EML6: variants seen among roughly 807,000 people sequenced by gnomAD.
EML6 encodes echinoderm microtubule-associated protein-like 6.
In EML6, 154 loss-of-function variants were observed where a neutral mutation model predicts 240.1. The ratio of observed to expected loss-of-function variants is 0.64; its 90% confidence interval spans 0.56 to 0.73. The LOEUF (loss-of-function observed/expected upper bound fraction) is 0.73, where lower values mean the gene tolerates loss of function less well. Ranked by LOEUF, EML6 falls within the 30% of genes least tolerant of loss-of-function variation. The pLI, the probability that EML6 is intolerant of heterozygous loss-of-function variation, is 0.00. For synonymous variants in EML6, 1,148 were observed against 899.0 expected (o/e 1.28, Z -4.95); for missense variants, 2,964 against 2,474.6 (o/e 1.20, Z -4.20).
rs768269743 is a variant in EML6, at chr2:54,952,670, CGTG to C, written c.4295_4297del (p.Val1432del). 12 of 1,551,196 alleles carry C rather than the reference CGTG, an allele frequency of 7.7e-6. No homozygotes were observed. The East Asian group carries it at 1.2e-4, about 16-fold the overall frequency. On this transcript the variant is annotated inframe_deletion, in exon 31 of 42. Transcript: ENST00000356458. ...TGAACCAGCACCCCAAGTACAGAAA[CGTG>C]GTGGCCACCAGCCAGATAGGTAGGA...
chr2:54,899,222 T>C (rs1463461336), intron 21 of EML6, among the ~76,000 whole-genome samples: 1 of 152,246 alleles, frequency 6.6e-6, no homozygotes, highest in Non-Finnish European at 1.5e-5. Flanking sequence ...TCTTTTAGAA[T>C]ATGATTTAAC....
rs1313902091 is a variant in EML6 at position 54,727,737 on chromosome 2, C to G, written c.197+2479C>G. Among the ~76,000 whole-genome samples the G allele has an allele frequency of 6.6e-5, 10 of 152,306 alleles. No individual in the cohort carries two copies. In the East Asian group the frequency reaches 1.7e-3, roughly 26 times the overall value. ...CAGGTGAGATAGCATAAGTAATTGT[C>G]CACTTGGTACATAGCTTTTGCATTA... On this transcript the variant is annotated intron_variant, in intron 2 of 41. Coordinates refer to ENST00000356458, the MANE Select transcript of EML6 (RefSeq NM_001039753.4).
In EML6 at chr2:54,815,852, G is replaced by A. The variant is rs1052688510; in HGVS notation, c.358-935G>A. Among the ~76,000 whole-genome samples, 4 of 152,094 alleles carry A rather than the reference G, an allele frequency of 2.6e-5. No homozygotes were observed. The South Asian group carries it at 6.2e-4, about 24-fold the overall frequency. ...TGTGCATATACACAGACACACTCTC[G>A]AATGTACTCAGTACTCACACACTCT... On this transcript the variant is annotated intron_variant, in intron 3 of 41. Coordinates refer to ENST00000356458, the MANE Select transcript of EML6 (RefSeq NM_001039753.4).
At chr2:54,834,115 C>A (rs1487982769) in intron 7 of EML6, among the ~76,000 whole-genome samples, 3 of 152,098 alleles carry the variant, frequency 2.0e-5, no homozygotes, top group Non-Finnish European at 2.9e-5. Flanking sequence ...CTGGAATTTT[C>A]AGGCTGGGAG....
intron 28 of EML6, among the ~76,000 whole-genome samples, chr2:54,945,802 A>T (rs557593785): frequency 5.3e-5 from 8 of 152,364 alleles, no homozygotes; most frequent in African/African-American, 1.7e-4. Context: ...CCGTGTCAGG[A>T]TAAGACTCCC....
rs1371896953 is a variant in EML6 at position 54,928,622 on chromosome 2, G to A, written c.3878-3G>A. ...GCTCCCCAATCTCTTTCTGTTGTTTGAGGCTATGACAGCGATGTTGCTAGA... is the reference window on the plus strand; with the variant it reads ...GCTCCCCAATCTCTTTCTGTTGTTTAAGGCTATGACAGCGATGTTGCTAGA... On this transcript the variant is annotated splice_polypyrimidine_tract_variant and splice_region_variant and intron_variant, in intron 27 of 41. Coordinates refer to ENST00000356458, the MANE Select transcript of EML6 (RefSeq NM_001039753.4). 2.6e-6 allele frequency: 4 copies of A among 1,552,068 alleles called. No individual in the cohort carries two copies. The highest frequency in any genetic ancestry group is 2.4e-5 in the East Asian group (1 of 40,932).
intron 28 of EML6, among the ~76,000 whole-genome samples, chr2:54,946,262 C>T (rs1573196428): frequency 6.6e-6 from 1 of 152,252 alleles, no homozygotes; most frequent in South Asian, 2.1e-4. Context: ...TGTCTCTGCT[C>T]CTCCCACCTC....
At chr2:54,750,550 T>G (rs1684113887) in intron 2 of EML6, among the ~76,000 whole-genome samples, 2 of 152,222 alleles carry the variant, frequency 1.3e-5, no homozygotes, top group African/African-American at 4.8e-5. Flanking sequence ...CTACAGGGAC[T>G]CAGATGACTG....
In EML6 at chr2:54,910,949, A is replaced by C; in HGVS notation, c.3410-5A>C. 4 of 1,513,654 alleles carry C rather than the reference A, an allele frequency of 2.6e-6. No homozygotes were observed. Among genetic ancestry groups the C allele is most frequent in the Non-Finnish European group, 3.6e-6 (4 of 1,115,588 alleles). 93.8% of individuals were successfully genotyped at this position (1,513,654 alleles called of 1,614,324 possible). On this transcript the variant is annotated splice_polypyrimidine_tract_variant and splice_region_variant and intron_variant, in intron 24 of 41. Coordinates refer to ENST00000356458, the MANE Select transcript of EML6 (RefSeq NM_001039753.4). The stretch of plus-strand genomic sequence containing the variant: ...TTATCTCTCTACTTCGTTCTGTCGT[A>C]ACAGGAAAATTATTGCAAGTGAATT...
intron 2 of EML6, among the ~76,000 whole-genome samples, chr2:54,811,562 C>A (rs1667847271): frequency 6.6e-6 from 1 of 151,542 alleles, no homozygotes; most frequent in African/African-American, 2.4e-5. Flanking sequence ...TGAAAGTGGG[C>A]TCCTTCAAAG....
At chr2:54,863,762 T>A (rs1159701879) in intron 12 of EML6, 21 bp from the exon 13 acceptor site, 2 of 1,375,734 alleles carry the variant, frequency 1.5e-6, no homozygotes, top group Non-Finnish European at 2.0e-6. Flanking sequence ...TGCTTGTTTC[T>A]TGTGGGTTGT....
At chr2:54,742,997 C>G (rs571535340) in intron 2 of EML6, among the ~76,000 whole-genome samples, 1 of 152,210 alleles carries the variant, frequency 6.6e-6, no homozygotes, top group Non-Finnish European at 1.5e-5. Context: ...AGGAAAATCA[C>G]TAACCTAACT....
intron 8 of EML6, among the ~76,000 whole-genome samples, chr2:54,844,911 G>T (rs750292119): frequency 3.3e-5 from 5 of 152,210 alleles, no homozygotes; most frequent in Non-Finnish European, 7.3e-5. Flanking sequence ...GGTTTGGGAT[G>T]AAGAATGTTA....
At chr2:54,900,190 G>A (rs1331625716) in intron 22 of EML6, among the ~76,000 whole-genome samples, 5 of 152,136 alleles carry the variant, frequency 3.3e-5, no homozygotes, top group Non-Finnish European at 7.3e-5. Flanking sequence ...TAAGAAATGA[G>A]TAAATATGTC....
At chr2:54,949,702 A>T (rs1675875926) in intron 29 of EML6, among the ~76,000 whole-genome samples, 1 of 152,146 alleles carries the variant, frequency 6.6e-6, no homozygotes, top group South Asian at 2.1e-4. Context: ...CCACATTGCC[A>T]ATGGGATTCA....
At chr2:54,831,377 G>A (rs987779161) in intron 7 of EML6, among the ~76,000 whole-genome samples, 9 of 152,198 alleles carry the variant, frequency 5.9e-5, no homozygotes, top group African/African-American at 1.9e-4. Flanking sequence ...GCCCAATACT[G>A]AGTCCTTGAG....
At chr2:54,802,684 CCAA>C (rs2103980619) in intron 2 of EML6, among the ~76,000 whole-genome samples, 1 of 151,200 alleles carries the variant, frequency 6.6e-6, no homozygotes, top group African/African-American at 2.4e-5. Flanking sequence ...ACTACTACTA[CCAA>C]TAATAATAAT....
chr2:54,733,028 C>T (rs1683241397), intron 2 of EML6, among the ~76,000 whole-genome samples: 1 of 152,190 alleles, frequency 6.6e-6, no homozygotes, highest in Non-Finnish European at 1.5e-5. Context: ...CAGTTCATTC[C>T]TTTCTTCCCC....
intron 2 of EML6, among the ~76,000 whole-genome samples, chr2:54,793,419 G>C (rs17345111): frequency 7.9e-6 from 1 of 126,820 alleles, no homozygotes; most frequent in Non-Finnish European, 1.6e-5. Flanking sequence ...CCAGCATATC[G>C]TAACTACTTT....
Sources: gnomAD v4.1 joint callset for allele counts (sites outside exome capture counted in the v4.1 genomes callset) on GRCh38, gnomAD v4.1.1 for gene constraint, MANE v1.5 for transcripts, NCBI Gene and HGNC (gene_info 2026-07-23, HGNC 2026-07-21) for gene names.